Variants in COLEC10 observed in about 807,000 individuals in gnomAD.
COLEC10 encodes the protein collectin subfamily member 10, also known as collectin-10.
COLEC10 carries 22 observed loss-of-function variants against 28.4 expected under a neutral mutation model. The observed-to-expected ratio is 0.78, with a 90% CI of 0.55 to 1.11. COLEC10 has a LOEUF of 1.11. Among genes scored for constraint, COLEC10 ranks in the 50% least tolerant of loss-of-function variants. The pLI, the probability that COLEC10 is intolerant of heterozygous loss-of-function variation, is 0.00. For synonymous variants in COLEC10, 125 were observed against 116.1 expected, an observed-to-expected ratio of 1.08 and a Z score of -0.49; for missense variants, 361 against 344.1, an observed-to-expected ratio of 1.05 and a Z score of -0.39.
intron 1 of COLEC10, among the ~76,000 whole-genome samples, chr8:119,084,797 T>C (rs1471616771): frequency 6.6e-6 from 1 of 152,220 alleles, no homozygotes; most frequent in Non-Finnish European, 1.5e-5. Context: ...GCAATGACAA[T>C]GTGCTAATTG....
intron 2 of COLEC10, among the ~76,000 whole-genome samples, chr8:119,052,922 G>A (rs1814698808): frequency 6.6e-6 from 1 of 152,106 alleles, no homozygotes; most frequent in African/African-American, 2.4e-5. Flanking sequence ...AAGAGAGCCG[G>A]AGAGGAAGGG....
chr8:119,044,940 CTA>C (rs993288033), intron 2 of COLEC10, among the ~76,000 whole-genome samples: 1 of 151,886 alleles, frequency 6.6e-6, no homozygotes, highest in African/African-American at 2.4e-5. Flanking sequence ...TCTCTGGGCT[CTA>C]TCTTTTCTGT....
the COLEC10 span, among the ~76,000 whole-genome samples, chr8:118,973,906 TA>T: frequency 6.6e-6 from 1 of 151,976 alleles, no homozygotes; most frequent in South Asian, 2.1e-4. Context: ...CATCTCAACT[TA>T]AATTACTCTT....
intron 2 of COLEC10, among the ~76,000 whole-genome samples, chr8:119,032,683 C>T (rs889321540): frequency 8.5e-5 from 13 of 152,146 alleles, no homozygotes; most frequent in Admixed American, 2.0e-4. Context: ...GGTCGGATCA[C>T]GAGGTCAGGA....
intron 2 of COLEC10, among the ~76,000 whole-genome samples, chr8:119,090,498 A>G (rs1454915951): frequency 6.6e-6 from 1 of 152,252 alleles, no homozygotes; most frequent in Non-Finnish European, 1.5e-5. Context: ...TGAGACCTCA[A>G]TTTGGGAAAT....
chr8:119,021,434 G>T (rs1290219785), intron 2 of COLEC10, among the ~76,000 whole-genome samples: 1 of 152,156 alleles, frequency 6.6e-6, no homozygotes. Flanking sequence ...GTCTCATGCA[G>T]TTTAGGAGCA....
intron 2 of COLEC10, among the ~76,000 whole-genome samples, chr8:119,029,652 G>C (rs1419347618): frequency 6.6e-6 from 1 of 152,074 alleles, no homozygotes; most frequent in Admixed American, 6.5e-5. Flanking sequence ...TGTGCTTTGG[G>C]TTATAACCAT....
At chr8:119,057,516 C>A (rs965980121) in intron 2 of COLEC10, among the ~76,000 whole-genome samples, 1 of 152,022 alleles carries the variant, frequency 6.6e-6, no homozygotes, top group Admixed American at 6.6e-5. Context: ...GTATTTATCT[C>A]CATCAGAATA....
At chr8:119,022,871 C>T (rs1814123484) in intron 2 of COLEC10, among the ~76,000 whole-genome samples, 1 of 152,106 alleles carries the variant, frequency 6.6e-6, no homozygotes, top group Non-Finnish European at 1.5e-5. Context: ...GCCCAAGGCC[C>T]TCCATACCCC....
intron 2 of COLEC10, among the ~76,000 whole-genome samples, chr8:119,035,663 G>A (rs1240545637): frequency 1.3e-5 from 2 of 152,314 alleles, no homozygotes; most frequent in East Asian, 1.9e-4. Context: ...GAGAAGGTAG[G>A]AGTGGCCTTC....
chr8:119,090,800 A>C (rs1269771102), intron 2 of COLEC10, among the ~76,000 whole-genome samples: 1 of 152,192 alleles, frequency 6.6e-6, no homozygotes, highest in East Asian at 1.9e-4. Context: ...AGGAAGACAA[A>C]ATAGAGCTAA....
At chr8:118,961,560 G>A in the COLEC10 span, among the ~76,000 whole-genome samples, 1 of 152,176 alleles carries the variant, frequency 6.6e-6, no homozygotes, top group African/African-American at 2.4e-5. Context: ...ATTTTGCTAT[G>A]AGACATGTTG....
chr8:119,025,375 A>G (rs1731779767), intron 2 of COLEC10, among the ~76,000 whole-genome samples: 1 of 152,216 alleles, frequency 6.6e-6, no homozygotes, highest in Admixed American at 6.5e-5. Context: ...AAACAAGCAC[A>G]GAGGAGCACC....
chr8:119,016,554 G>T (rs1284838395), intron 2 of COLEC10, among the ~76,000 whole-genome samples: 1 of 152,038 alleles, frequency 6.6e-6, no homozygotes, highest in Non-Finnish European at 1.5e-5. Flanking sequence ...TAATGGGATT[G>T]CTGGGTCAAA....
intron 2 of COLEC10, among the ~76,000 whole-genome samples, chr8:119,053,079 AT>A (rs761299965): frequency 1.2e-4 from 18 of 152,100 alleles, no homozygotes; most frequent in Non-Finnish European, 2.2e-4. Flanking sequence ...CTCCTACTCA[AT>A]TTTAAGTGGT....
chr8:118,980,707 A>G, the COLEC10 span, among the ~76,000 whole-genome samples: 1 of 152,194 alleles, frequency 6.6e-6, no homozygotes. Flanking sequence ...ATACTTAGAA[A>G]TGAAATCTTT....
At chr8:119,073,155 A>G (rs1255717429) in intron 1 of COLEC10, among the ~76,000 whole-genome samples, 1 of 152,226 alleles carries the variant, frequency 6.6e-6, no homozygotes, top group Non-Finnish European at 1.5e-5. Flanking sequence ...CAGAGAGGTA[A>G]AATAACTTGT....
chr8:119,026,601 A>C (rs1563720861), intron 2 of COLEC10, among the ~76,000 whole-genome samples: 1 of 152,102 alleles, frequency 6.6e-6, no homozygotes, highest in Non-Finnish European at 1.5e-5. Flanking sequence ...TAGCTCTGCC[A>C]TTTGGTGGCT....
intron 2 of COLEC10, among the ~76,000 whole-genome samples, chr8:119,023,903 C>T (rs1427163930): frequency 1.3e-5 from 2 of 152,058 alleles, no homozygotes; most frequent in Non-Finnish European, 2.9e-5. Flanking sequence ...GCATGGTAGT[C>T]CTGTACACCA....
Sources: gnomAD v4.1 joint callset for allele counts (sites outside exome capture counted in the v4.1 genomes callset) on GRCh38, gnomAD v4.1.1 for gene constraint, MANE v1.5 for transcripts, NCBI Gene and HGNC (gene_info 2026-07-23, HGNC 2026-07-21) for gene names.